Variants in ARAP1 observed in about 807,000 individuals in gnomAD.
ARAP1 encodes ArfGAP with RhoGAP domain, ankyrin repeat and PH domain 1.
ARAP1 carries 76 observed loss-of-function variants against 172.2 expected under a neutral mutation model. The ratio of observed to expected loss-of-function variants is 0.44; its 90% CI spans 0.37 to 0.53. The LOEUF (loss-of-function observed/expected upper bound fraction) is 0.53. Among genes scored for constraint, ARAP1 ranks in the 20% least tolerant of loss-of-function variants. The pLI is 0.00. For missense variants in ARAP1, 1,686 were observed against 1,977.5 expected (o/e 0.85, Z 2.80); for synonymous variants, 804 against 803.3 (o/e 1.00, Z -0.01).
chr11:72,703,836 T>A, intron 14 of ARAP1: 1 of 365,578 alleles, frequency 2.7e-6, no homozygotes, highest in South Asian at 3.1e-5. Flanking sequence ...GGAAATAGCA[T>A]CCCCATCAAG....
chr11:72,723,005 G>A (rs967963127), intron 3 of ARAP1, among the ~76,000 whole-genome samples: 10 of 152,240 alleles, frequency 6.6e-5, no homozygotes, highest in African/African-American at 1.4e-4. Context: ...ACCCCACCAC[G>A]AGTTTAAATT....
Position 72,726,601 on chromosome 11 carries a change from C to G in ARAP1, c.509+19G>C, listed in dbSNP as rs745744230. The G allele has an allele frequency of 4.0e-6, 6 of 1,481,868 alleles. No homozygotes were observed. The allele number at this position is 1,481,868 out of a possible 1,614,324, so 91.8% of individuals were successfully genotyped here. On this transcript the variant is annotated intron_variant, in intron 3 of 34. Transcript: ENST00000393609. The surrounding 1 kb of genome is among the most constrained non-coding windows in gnomAD (Gnocchi z 6.5). ...ATCCTCTGCCTGTGCGCCTCCCACC[C>G]TGGGTGGCATCCACTCACCTCACCA...
Position 72,693,191 on chromosome 11 carries a change from A to T in ARAP1, c.3954+134T>A. Reference sequence around the variant, plus strand: ...AGCAGGAGGGGTCTTGAGAGTCTACAGTTCTCCCCCACTGCTGTGCCATCC... The same window carrying T: ...AGCAGGAGGGGTCTTGAGAGTCTACTGTTCTCCCCCACTGCTGTGCCATCC... On this transcript the variant is annotated intron_variant, in intron 29 of 34. Transcript: ENST00000393609. The surrounding 1 kb of genome is among the most constrained non-coding windows in gnomAD (Gnocchi z 4.6). The T allele has an allele frequency of 7.5e-7, 1 of 1,333,588 alleles. No individual in the cohort carries two copies. 82.6% of individuals were successfully genotyped at this position (1,333,588 alleles called of 1,614,324 possible).
chr11:72,703,228 A>T, intron 14 of ARAP1, 149 bp from the exon 15 acceptor site: 1 of 840,684 alleles, frequency 1.2e-6, no homozygotes, highest in Non-Finnish European at 1.8e-6. Flanking sequence ...AGGAAGGAAG[A>T]AAGAGAGAAG....
rs775825193 is a variant in ARAP1, at chr11:72,696,964, C to T, written c.3166+19G>A. On this transcript the variant is annotated intron_variant, in intron 22 of 34. Coordinates refer to ENST00000393609, the MANE Select transcript of ARAP1 (RefSeq NM_001040118.3). ...ATGGGTGGAGGAGGAGGAGGCTGGG[C>T]ACGGGCTGCAGGGCCCACCTGAGGC... The T allele has an allele frequency of 6.3e-7, 1 of 1,594,710 alleles. No homozygotes were observed. The highest frequency in any genetic ancestry group is 1.1e-5 in the South Asian group (1 of 90,360).
At chr11:72,730,301 T>C (rs965393386) in intron 2 of ARAP1, among the ~76,000 whole-genome samples, 4 of 152,232 alleles carry the variant, frequency 2.6e-5, no homozygotes, top group African/African-American at 7.2e-5. Context: ...GTAAAATATT[T>C]TGAAATACTG....
At chr11:72,686,360 C>T (rs527456884) in intron 33 of ARAP1, among the ~76,000 whole-genome samples, 169 bp from the exon 34 acceptor site, 4 of 152,332 alleles carry the variant, frequency 2.6e-5, no homozygotes, top group African/African-American at 9.6e-5. Context: ...ATGACTGCAT[C>T]TCTGGCAAAA....
At chr11:72,750,633 C>T (rs1434386847) in intron 1 of ARAP1, among the ~76,000 whole-genome samples, 1 of 152,214 alleles carries the variant, frequency 6.6e-6, no homozygotes, top group African/African-American at 2.4e-5. Context: ...CCAGCACCGT[C>T]TCTCTTTGGG....
At chr11:72,735,489 G>A (rs183053350) in intron 1 of ARAP1, among the ~76,000 whole-genome samples, 1 of 152,136 alleles carries the variant, frequency 6.6e-6, no homozygotes, top group Admixed American at 6.5e-5. Context: ...CCAGCTACTC[G>A]GGAGGCTGAG....
Position 72,695,571 on chromosome 11 carries a change from G to A in ARAP1, c.3478C>T (p.Arg1160Cys). Reference sequence around the variant, plus strand: ...GTCCCACTGGCAGTGCCAGCCACGCGCATCTTCACAATGGCAGTGATCTCC... The same window carrying A: ...GTCCCACTGGCAGTGCCAGCCACGCACATCTTCACAATGGCAGTGATCTCC... ...REEITAIVKM[R>C]VAGTASGTQH... Residue 1160 changes from arginine (R) to cysteine (C), a missense_variant, in exon 25 of 35, where the codon CGC (arginine) becomes TGC (cysteine). Around this residue, in one of 5 missense-constraint regions of ARAP1, gnomAD observed 379 missense variants for 500.1 expected, o/e 0.76. Transcript: ENST00000393609. The surrounding 1 kb of genome is among the most constrained non-coding windows in gnomAD (Gnocchi z 4.4). 1.9e-6 allele frequency: 3 copies of A among 1,613,972 alleles called. No homozygotes were observed. The highest frequency in any genetic ancestry group is 2.5e-6 in the Non-Finnish European group (3 of 1,180,024).
chr11:72,702,731 C>T (rs1342145134), intron 15 of ARAP1, among the ~76,000 whole-genome samples, 174 bp downstream of exon 15: 1 of 152,196 alleles, frequency 6.6e-6, no homozygotes, highest in Non-Finnish European at 1.5e-5. Context: ...CACAGAGGAA[C>T]ATGCATACGT....
chr11:72,742,087 A>C (rs1858216070), intron 1 of ARAP1, among the ~76,000 whole-genome samples: 3 of 152,148 alleles, frequency 2.0e-5, no homozygotes, highest in South Asian at 2.1e-4. Context: ...GACTAGGGTC[A>C]GAAGGGAAAG....
chr11:72,709,422 T>G (rs1249708104), intron 11 of ARAP1, among the ~76,000 whole-genome samples: 1 of 152,154 alleles, frequency 6.6e-6, no homozygotes, highest in African/African-American at 2.4e-5. Flanking sequence ...TGGGCAAGGC[T>G]GCCCAGGGAG....
chr11:72,711,240 G>T (rs1856999397), intron 8 of ARAP1, 99 bp from the exon 9 acceptor site: 1 of 1,552,018 alleles, frequency 6.4e-7, no homozygotes, highest in Non-Finnish European at 8.7e-7. Context: ...CCTGCAGCTG[G>T]TTAGAGACAA....
At chr11:72,745,099 A>G (rs1858314476) in intron 1 of ARAP1, among the ~76,000 whole-genome samples, 2 of 151,376 alleles carry the variant, frequency 1.3e-5, no homozygotes. Flanking sequence ...GGGGTGGCCC[A>G]TTCTCCCTAC....
At chr11:72,735,351 C>T (rs1399418317) in intron 1 of ARAP1, among the ~76,000 whole-genome samples, 1 of 151,992 alleles carries the variant, frequency 6.6e-6, no homozygotes, top group African/African-American at 2.4e-5. Context: ...TGGCTCATGA[C>T]TGTAACCCCA....
chr11:72,707,339 C>T lies in ARAP1; in HGVS notation c.1559G>A (p.Trp520Ter). 6.2e-7 allele frequency: 1 copy of T among 1,613,462 alleles called. No homozygotes were observed. Among genetic ancestry groups the T allele is most frequent in the Non-Finnish European group, 8.5e-7 (1 of 1,179,768 alleles). ...GATGGCTCCCTGCATGGCCTCCAAC[C>T]ACTGCTCCTTCTCTAGCTCTGAGTC... ...SADSELEKEQ[W>*]LEAMQGAIAE... The change falls in exon 12 of 35, where the codon TGG (tryptophan) becomes TAG (stop). Residue 520 changes from tryptophan (W) to a stop codon, truncating the protein, a stop_gained. Coordinates refer to ENST00000393609, the MANE Select transcript of ARAP1 (RefSeq NM_001040118.3). LOFTEE classifies it high-confidence loss of function.
chr11:72,739,707 G>A (rs1195231552), intron 1 of ARAP1, among the ~76,000 whole-genome samples: 9 of 152,180 alleles, frequency 5.9e-5, no homozygotes, highest in South Asian at 2.1e-4. Context: ...GGAGGCCAGC[G>A]TGCTCTTCTG....
At chr11:72,703,114 G>C (rs1450640717) in intron 14 of ARAP1, 35 bp from the exon 15 acceptor site, 2 of 1,499,948 alleles carry the variant, frequency 1.3e-6, no homozygotes. Context: ...GCCCAAGAAG[G>C]AGTAGGGGGC....
Sources: allele counts gnomAD v4.1 joint callset (sites outside exome capture counted in the v4.1 genomes callset), GRCh38; gene constraint gnomAD v4.1.1; regional missense constraint gnomAD v4.1.1; non-coding constraint Gnocchi (gnomAD v3.1); transcripts MANE v1.5; gene names NCBI Gene and HGNC (gene_info 2026-07-23, HGNC 2026-07-21).